The following PTPRD variants were observed in gnomAD, a reference collection of about 807,000 sequenced individuals.
PTPRD encodes protein tyrosine phosphatase receptor type D.
In PTPRD, 34 loss-of-function variants were observed where a neutral mutation model predicts 214.5. The ratio of observed to expected loss-of-function variants is 0.16; its 90% CI spans 0.12 to 0.21. The LOEUF (loss-of-function observed/expected upper bound fraction) is 0.21, where lower values mean the gene tolerates loss of function less well. Among genes scored for constraint, PTPRD ranks in the 10% least tolerant of loss-of-function variants. The probability of loss-of-function intolerance (pLI) is 1.00; values close to 1 mark genes in which losing one functional copy is unlikely to be tolerated. For missense variants in PTPRD, 2,545 were observed against 2,398.7 expected, an observed-to-expected ratio of 1.06 and a Z score of -1.27; for synonymous variants, 1,128 against 845.7, an observed-to-expected ratio of 1.33 and a Z score of -5.79.
intron 10 of PTPRD, among the ~76,000 whole-genome samples, chr9:9,126,468 A>G (rs948215304): frequency 2.0e-5 from 3 of 152,246 alleles, no homozygotes; most frequent in African/African-American, 7.2e-5. Flanking sequence ...TGATTTTACC[A>G]TAGGTTAACT....
intron 26 of PTPRD, 72 bp downstream of exon 26, chr9:8,497,170 A>C (rs988998611): frequency 3.0e-6 from 4 of 1,320,136 alleles, no homozygotes; most frequent in Non-Finnish European, 4.2e-6. Context: ...CAGATCACAA[A>C]TAAGTGAAAG....
chr9:8,397,407 C>T (rs553460120), intron 36 of PTPRD, among the ~76,000 whole-genome samples: 1 of 152,284 alleles, frequency 6.6e-6, no homozygotes, highest in African/African-American at 2.4e-5. Context: ...TTCACTATAA[C>T]TAACATTCCA....
chr9:8,552,856 C>G (rs1349144839), intron 14 of PTPRD, among the ~76,000 whole-genome samples: 2 of 152,194 alleles, frequency 1.3e-5, no homozygotes, highest in African/African-American at 2.4e-5. Context: ...GTCACTAGCA[C>G]TGGGGCTGCT....
chr9:9,766,337 G>A (rs1473634141), intron 6 of PTPRD, among the ~76,000 whole-genome samples: 1 of 152,060 alleles, frequency 6.6e-6, no homozygotes, highest in Admixed American at 6.6e-5. Flanking sequence ...TTACTGAGCT[G>A]TTAATGTGTT....
intron 3 of PTPRD, among the ~76,000 whole-genome samples, chr9:10,305,765 G>T (rs904737369): frequency 7.2e-5 from 11 of 152,050 alleles, no homozygotes; most frequent in African/African-American, 2.7e-4. Flanking sequence ...TAAAAAGTCA[G>T]GAAACAACAG....
chr9:8,698,043 A>G lies in PTPRD; in HGVS notation c.64+35737T>C, dbSNP rs1365826848. On this transcript the variant is annotated intron_variant, in intron 12 of 45. Coordinates refer to ENST00000381196, the MANE Select transcript of PTPRD (RefSeq NM_002839.4). ...CTGCTATGATTATCACCATGTCCAC[A>G]GTAAGCATTCAGTATAAATTTGTGA... Among the ~76,000 whole-genome samples the G allele has an allele frequency of 2.6e-5, 4 of 152,212 alleles. No individual in the cohort carries two copies. The South Asian group carries it at 8.3e-4, about 32-fold the overall frequency.
In PTPRD at chr9:10,402,752, A is replaced by T. The variant is rs1481213375; in HGVS notation, c.-599-61735T>A. ...TCTGACAGATTTCAATCTATGTTAA[A>T]CTCATCTCATTTTATTGAAACGGAA... On this transcript the variant is annotated intron_variant, in intron 2 of 45. Coordinates refer to ENST00000381196, the MANE Select transcript of PTPRD (RefSeq NM_002839.4). Among the ~76,000 whole-genome samples, 4 of 151,476 alleles carry T rather than the reference A, an allele frequency of 2.6e-5. No individual in the cohort carries two copies. The Admixed American group carries it at 2.6e-4, about 10-fold the overall frequency.
At chr9:8,606,761 C>T (rs1188955380) in intron 14 of PTPRD, among the ~76,000 whole-genome samples, 1 of 152,164 alleles carries the variant, frequency 6.6e-6, no homozygotes, top group Non-Finnish European at 1.5e-5. Flanking sequence ...TATATCTATA[C>T]AATAATCTCT....
At chr9:10,399,318 A>G (rs10738164) in intron 2 of PTPRD, among the ~76,000 whole-genome samples, 128,030 of 151,920 alleles carry the variant, frequency 0.84, 54,069 homozygotes, top group African/African-American at 0.9. Context: ...AAACACTTAC[A>G]TATCAATGCT....
chr9:10,449,877 T>A (rs1041149458), intron 2 of PTPRD, among the ~76,000 whole-genome samples: 1 of 151,802 alleles, frequency 6.6e-6, no homozygotes, highest in Non-Finnish European at 1.5e-5. Flanking sequence ...CATAGGAGAC[T>A]CCATTTTGTT....
At chr9:8,982,717 C>G (rs202173524) in intron 11 of PTPRD, among the ~76,000 whole-genome samples, 1 of 151,982 alleles carries the variant, frequency 6.6e-6, no homozygotes, top group South Asian at 2.1e-4. Flanking sequence ...TCACTATTTT[C>G]TTTTTCTAGA....
At chr9:10,254,867 T>C (rs2093117546) in intron 3 of PTPRD, among the ~76,000 whole-genome samples, 3 of 152,282 alleles carry the variant, frequency 2.0e-5, no homozygotes, top group Admixed American at 6.5e-5. Flanking sequence ...GCAGCAATAA[T>C]TGCAGTGTCT....
chr9:10,185,874 A>G (rs553481184), intron 3 of PTPRD, among the ~76,000 whole-genome samples: 37 of 152,132 alleles, frequency 2.4e-4, no homozygotes, highest in Admixed American at 8.5e-4. Flanking sequence ...TGCCATGTCT[A>G]TTTCTTGTGG....
At chr9:8,836,032 G>T (rs761544967) in intron 11 of PTPRD, among the ~76,000 whole-genome samples, 16 of 152,134 alleles carry the variant, frequency 1.1e-4, no homozygotes, top group Non-Finnish European at 2.1e-4. Context: ...TTTAATTAAT[G>T]CATACATATA....
chr9:9,861,149 A>G (rs1003676321), intron 5 of PTPRD, among the ~76,000 whole-genome samples: 3 of 152,264 alleles, frequency 2.0e-5, no homozygotes, highest in Admixed American at 1.3e-4. Context: ...TCCTAACCAC[A>G]TTTTGACCAC....
intron 11 of PTPRD, among the ~76,000 whole-genome samples, chr9:8,819,861 G>C (rs2097012088): frequency 6.6e-6 from 1 of 152,230 alleles, no homozygotes; most frequent in East Asian, 1.9e-4. Flanking sequence ...CGAGCTGAAA[G>C]ATCACACTGG....
intron 7 of PTPRD, among the ~76,000 whole-genome samples, chr9:9,579,980 C>A (rs2090228329): frequency 6.6e-6 from 1 of 152,110 alleles, no homozygotes; most frequent in African/African-American, 2.4e-5. Flanking sequence ...TGGGTTGTTT[C>A]ACTTAAGATG....
At chr9:8,843,835 C>G (rs530340018) in intron 11 of PTPRD, among the ~76,000 whole-genome samples, 1 of 152,086 alleles carries the variant, frequency 6.6e-6, no homozygotes, top group African/African-American at 2.4e-5. Context: ...AAAGGACTGG[C>G]CTTAGGTTCC....
intron 2 of PTPRD, among the ~76,000 whole-genome samples, chr9:10,376,505 A>G (rs2097731415): frequency 6.6e-6 from 1 of 151,754 alleles, no homozygotes; most frequent in Non-Finnish European, 1.5e-5. Flanking sequence ...TAAAAAGGAA[A>G]CATAATTCGT....
Sources: allele counts gnomAD v4.1 joint callset (sites outside exome capture counted in the v4.1 genomes callset), GRCh38; gene constraint gnomAD v4.1.1; transcripts MANE v1.5; gene names NCBI Gene and HGNC (gene_info 2026-07-23, HGNC 2026-07-21).